The following MARCO variants were observed in gnomAD, a reference collection of about 807,000 sequenced individuals.
The protein encoded by MARCO is macrophage receptor MARCO.
A neutral mutation model predicts 70.0 loss-of-function variants in MARCO; 72 were observed. The ratio of observed to expected loss-of-function variants is 1.03; its 90% CI spans 0.85 to 1.25. The LOEUF is 1.25. MARCO is among the 50% of genes most tolerant of loss of function. The probability of loss-of-function intolerance (pLI) is 0.00; values close to 1 mark genes in which losing one functional copy is unlikely to be tolerated. For synonymous variants in MARCO, 273 were observed against 243.1 expected (o/e 1.12, Z -1.14); for missense variants, 696 against 659.3 (o/e 1.06, Z -0.61).
At chr2:118,966,439 G>T (rs1222750046) in intron 1 of MARCO, among the ~76,000 whole-genome samples, 1 of 152,180 alleles carries the variant, frequency 6.6e-6, no homozygotes, top group Non-Finnish European at 1.5e-5. Context: ...GAAATGAACA[G>T]TGTAGAGGCT....
intron 1 of MARCO, among the ~76,000 whole-genome samples, chr2:118,957,706 A>G (rs1411953737): frequency 2.0e-5 from 3 of 152,090 alleles, no homozygotes; most frequent in African/African-American, 7.2e-5. Flanking sequence ...ACACAACCAA[A>G]AAAGAAAACT....
At chr2:118,989,396 T>G (rs1680580384) in intron 12 of MARCO, among the ~76,000 whole-genome samples, 1 of 152,214 alleles carries the variant, frequency 6.6e-6, no homozygotes, top group African/African-American at 2.4e-5. Context: ...CCTCTCAGAA[T>G]CTTCTGGTGC....
At chr2:118,947,752 G>C (rs1040841272) in intron 1 of MARCO, among the ~76,000 whole-genome samples, 10 of 152,128 alleles carry the variant, frequency 6.6e-5, no homozygotes, top group African/African-American at 2.4e-4. Context: ...TATTGTAAGC[G>C]TTATTATCAA....
At chr2:118,952,362 A>T (rs1679738574) in intron 1 of MARCO, among the ~76,000 whole-genome samples, 1 of 151,988 alleles carries the variant, frequency 6.6e-6, no homozygotes, top group African/African-American at 2.4e-5. Flanking sequence ...CCCCCAAGGG[A>T]GAATTAGGCC....
intron 16 of MARCO, among the ~76,000 whole-genome samples, chr2:118,993,531 G>C (rs1431643021): frequency 6.6e-6 from 1 of 152,222 alleles, no homozygotes; most frequent in Admixed American, 6.5e-5. Flanking sequence ...AGGCTGGCCT[G>C]GCTTCGGTCA....
At chr2:118,946,895 T>C (rs1679611460) in intron 1 of MARCO, among the ~76,000 whole-genome samples, 1 of 152,252 alleles carries the variant, frequency 6.6e-6, no homozygotes, top group South Asian at 2.1e-4. Flanking sequence ...AGATTTAATT[T>C]ACATTTTCCT....
intron 6 of MARCO, among the ~76,000 whole-genome samples, chr2:118,975,747 CACAT>C (rs1223204132): frequency 6.6e-6 from 1 of 152,150 alleles, no homozygotes; most frequent in African/African-American, 2.4e-5. Flanking sequence ...CTCACATACA[CACAT>C]ATACTCATGC....
In MARCO at chr2:118,977,477, A is replaced by C. The variant is rs569584428; in HGVS notation, c.620A>C (p.Gln207Pro). 11 of 1,613,778 alleles carry C rather than the reference A, an allele frequency of 6.8e-6. No individual in the cohort carries two copies. The Middle Eastern group carries it at 4.9e-4, about 72-fold the overall frequency. Residue 207 changes from glutamine (Q) to proline (P), a missense_variant, in exon 7 of 17, where the codon CAA becomes CCA. This residue lies in a region of MARCO where 605 missense variants were observed against 537.6 expected (regional missense o/e 1.13). Transcript: ENST00000327097. Reference sequence around the variant, plus strand: ...CTTTTTTCCTTCCTCACAGGCCTCCAAGGACCCCAGGGTGCTCCAGGGAAG... The same window carrying C: ...CTTTTTTCCTTCCTCACAGGCCTCCCAGGACCCCAGGGTGCTCCAGGGAAG... ...PPGVKGEAGL[Q>P]GPQGAPGKQG...
At chr2:118,972,540 C>A (rs780256767) in intron 4 of MARCO, among the ~76,000 whole-genome samples, 2 of 152,000 alleles carry the variant, frequency 1.3e-5, no homozygotes, top group African/African-American at 2.4e-5. Context: ...TGTCCTCCCC[C>A]GTAAGATGGA....
At chr2:118,979,518 G>T (rs1339149041) in intron 8 of MARCO, among the ~76,000 whole-genome samples, 2 of 152,162 alleles carry the variant, frequency 1.3e-5, no homozygotes, top group African/African-American at 4.8e-5. Context: ...GGGAGACCCA[G>T]ACTTTCTCAA....
chr2:118,944,991 A>T (rs969156966), intron 1 of MARCO: 1 of 152,086 alleles, frequency 6.6e-6, no homozygotes, highest in African/African-American at 2.4e-5. Context: ...TACAAACTGT[A>T]TATATTTATG....
chr2:118,984,837 T>C (rs1172790113), intron 12 of MARCO, among the ~76,000 whole-genome samples: 1 of 152,220 alleles, frequency 6.6e-6, no homozygotes, highest in African/African-American at 2.4e-5. Flanking sequence ...CTAAAGCCAC[T>C]GCAGTGCTTG....
chr2:118,952,373 CCTTTT>C (rs2104552022), intron 1 of MARCO, among the ~76,000 whole-genome samples: 1 of 152,242 alleles, frequency 6.6e-6, no homozygotes, highest in Admixed American at 6.5e-5. Context: ...GAATTAGGCC[CCTTTT>C]AGTGTTGGCG....
intron 10 of MARCO, 149 bp from the exon 11 acceptor site, chr2:118,982,007 G>T (rs924975773): frequency 3.0e-5 from 18 of 603,560 alleles, no homozygotes; most frequent in African/African-American, 2.8e-4. Context: ...CTAGCTCATG[G>T]CTTCTAAAGA....
At chr2:118,954,697 C>T (rs1679795402) in intron 1 of MARCO, among the ~76,000 whole-genome samples, 2 of 152,210 alleles carry the variant, frequency 1.3e-5, no homozygotes, top group African/African-American at 4.8e-5. Flanking sequence ...GGAACAGGTG[C>T]TGGTATCCAC....
chr2:118,985,436 G>T (rs1216547829), intron 12 of MARCO, among the ~76,000 whole-genome samples: 1 of 152,058 alleles, frequency 6.6e-6, no homozygotes, highest in African/African-American at 2.4e-5. Flanking sequence ...CCTCTTGTTT[G>T]CATCTCTTGA....
intron 1 of MARCO, among the ~76,000 whole-genome samples, chr2:118,957,592 G>A (rs1264198343): frequency 2.2e-4 from 33 of 151,946 alleles, no homozygotes; most frequent in Admixed American, 2.2e-3. Flanking sequence ...AGAATACTAA[G>A]GTACCAATCC....
intron 1 of MARCO, among the ~76,000 whole-genome samples, chr2:118,959,880 T>C (rs1437441805): frequency 6.6e-6 from 1 of 152,104 alleles, no homozygotes; most frequent in Non-Finnish European, 1.5e-5. Flanking sequence ...AAACGAAACA[T>C]CATATGTTAT....
At chr2:118,982,600 T>C (rs745391464) in intron 12 of MARCO, among the ~76,000 whole-genome samples, 190 bp downstream of exon 12, 1 of 152,150 alleles carries the variant, frequency 6.6e-6, no homozygotes, top group Admixed American at 6.5e-5. Flanking sequence ...GGGCTGTTCT[T>C]TCTCTTCTCA....
Sources: allele counts gnomAD v4.1 joint callset (sites outside exome capture counted in the v4.1 genomes callset), GRCh38; gene constraint gnomAD v4.1.1; regional missense constraint gnomAD v4.1.1; transcripts MANE v1.5; gene names NCBI Gene and HGNC (gene_info 2026-07-23, HGNC 2026-07-21).